The following ZNF385D variants were observed in gnomAD, a reference collection of about 807,000 sequenced individuals.
The protein encoded by ZNF385D is zinc finger protein 659.
Under a neutral mutation model 35.8 loss-of-function variants are expected in ZNF385D, and 15 were observed. That is an observed-to-expected ratio of 0.42 (90% CI 0.28 to 0.64). The LOEUF is 0.64. Among genes scored for constraint, ZNF385D ranks in the 30% least tolerant of loss-of-function variants. The probability of loss-of-function intolerance (pLI) is 0.23; values close to 1 mark genes in which losing one functional copy is unlikely to be tolerated. For missense variants in ZNF385D, 474 were observed against 494.6 expected, an observed-to-expected ratio of 0.96 and a Z score of 0.39; for synonymous variants, 212 against 186.8, an observed-to-expected ratio of 1.13 and a Z score of -1.10.
chr3:22,011,535 T>G (rs1031945975), intron 3 of ZNF385D, among the ~76,000 whole-genome samples: 1 of 152,062 alleles, frequency 6.6e-6, no homozygotes, highest in African/African-American at 2.4e-5. Context: ...AGTAATACAG[T>G]TTGATATTCC....
At position 21,456,985 on chromosome 3, in the gene ZNF385D, A is replaced by G. The variant is rs544650289; in HGVS notation, c.440-19782T>C. Among the ~76,000 whole-genome samples, 566 of 152,260 alleles carry G rather than the reference A, an allele frequency of 3.7e-3. 2 individuals are homozygous for G. The highest frequency in any genetic ancestry group is 6.1e-3 in the Non-Finnish European group (413 of 68,026). On this transcript the variant is annotated intron_variant, in intron 4 of 7. Transcript: ENST00000281523. ...ATCACATTCAAACATATTATGTAAT[A>G]TATAACAATATAAGGGTTAGTTAAC...
At chr3:21,809,070 T>A (rs2072784885) in intron 3 of ZNF385D, among the ~76,000 whole-genome samples, 1 of 152,150 alleles carries the variant, frequency 6.6e-6, no homozygotes, top group Non-Finnish European at 1.5e-5. Context: ...AAATTGCTCA[T>A]CTTATATAGA....
At chr3:21,989,753 C>A (rs568999322) in intron 3 of ZNF385D, among the ~76,000 whole-genome samples, 2 of 152,106 alleles carry the variant, frequency 1.3e-5, no homozygotes, top group South Asian at 2.1e-4. Context: ...CTCATCTAAG[C>A]GCATTAAAAT....
chr3:22,091,761 A>G (rs912530591), intron 3 of ZNF385D, among the ~76,000 whole-genome samples: 1 of 152,120 alleles, frequency 6.6e-6, no homozygotes, highest in Non-Finnish European at 1.5e-5. Flanking sequence ...TAAGAAGTCT[A>G]TTTTCTCTTT....
rs979493641 is a variant in ZNF385D, at chr3:21,747,327, A to AT, written c.22+3567dup. On this transcript the variant is annotated intron_variant, in intron 1 of 7. Transcript: ENST00000281523. ...AATTCTGTTTAAAGTGTATCATTTC[A>AT]TTTTTTTTAGGAGTATTCTCATGGG... is the stretch of plus-strand genomic sequence containing the variant. Among the ~76,000 whole-genome samples the AT allele has an allele frequency of 1.1e-4, 17 of 152,004 alleles. 1 individual carries two copies. In the South Asian group the frequency reaches 2.1e-3, roughly 19 times the overall value.
At chr3:22,372,726 C>T (rs1395561753) in exon 2 of ZNF385D, 1 of 152,956 alleles carries the variant, frequency 6.5e-6, no homozygotes, top group African/African-American at 2.4e-5. Flanking sequence ...AGTCAGCGCG[C>T]CTCTGCCTCC....
At chr3:22,143,455 A>G (rs1264480878) in intron 3 of ZNF385D, among the ~76,000 whole-genome samples, 1 of 151,684 alleles carries the variant, frequency 6.6e-6, no homozygotes, top group Non-Finnish European at 1.5e-5. Context: ...CCTTTTTCAC[A>G]CTCCCACACC....
At chr3:21,851,861 G>T (rs1696406671) in intron 3 of ZNF385D, among the ~76,000 whole-genome samples, 2 of 151,848 alleles carry the variant, frequency 1.3e-5, no homozygotes, top group African/African-American at 4.8e-5. Flanking sequence ...TCAAGCATAA[G>T]AAATTCACAC....
rs1411760179 is a variant in ZNF385D, at chr3:21,807,465, A to G, written c.326-142437T>C. Among the ~76,000 whole-genome samples the G allele has an allele frequency of 5.3e-5, 8 of 152,294 alleles. No individual in the cohort carries two copies. In the East Asian group the frequency reaches 1.5e-3, roughly 29 times the overall value. On this transcript the variant is annotated intron_variant, in intron 3 of 5. Coordinates refer to the ZNF385D transcript ENST00000494108. ...GATTTGACTCGCCAAGTTTAAAAGT[A>G]AAGAGAAAACCAACAACAGAAACTA... is the stretch of plus-strand genomic sequence containing the variant.
intron 3 of ZNF385D, among the ~76,000 whole-genome samples, chr3:21,918,086 G>A (rs1365071784): frequency 6.6e-6 from 1 of 152,188 alleles, no homozygotes; most frequent in African/African-American, 2.4e-5. Flanking sequence ...ATTCGAGAAT[G>A]CTTCTCAATG....
chr3:21,867,755 A>C (rs1383201964), intron 3 of ZNF385D, among the ~76,000 whole-genome samples: 1 of 134,896 alleles, frequency 7.4e-6, no homozygotes, highest in African/African-American at 2.7e-5. Flanking sequence ...AAAAAAAAAA[A>C]ACCTCAACCA....
chr3:21,954,333 C>T (rs1486372), intron 3 of ZNF385D, among the ~76,000 whole-genome samples: 48,026 of 151,644 alleles, frequency 0.32, 8,722 homozygotes, highest in African/African-American at 0.46. Context: ...CCCAATATGT[C>T]TTTTGTTTCA....
chr3:21,598,747 T>C (rs2064196446), intron 2 of ZNF385D, among the ~76,000 whole-genome samples: 1 of 152,344 alleles, frequency 6.6e-6, no homozygotes, highest in East Asian at 1.9e-4. Context: ...GGACTTGATA[T>C]GGGAATGCTA....
At position 21,646,397 on chromosome 3, in the gene ZNF385D, G is replaced by C. The variant is rs1002479460; in HGVS notation, c.165+18489C>G. Among the ~76,000 whole-genome samples the C allele has an allele frequency of 6.6e-6, 1 of 152,196 alleles. No individual in the cohort carries two copies. The highest frequency in any genetic ancestry group is 6.5e-5 in the Admixed American group (1 of 15,270). The stretch of plus-strand genomic sequence containing the variant: ...ACTTCACAGTGAGACGCTGAGAAAG[G>C]TGAAGTAAGTGGACTGAGAGCCACA... On this transcript the variant is annotated intron_variant, in intron 2 of 7. Coordinates refer to ENST00000281523, the MANE Select transcript of ZNF385D (RefSeq NM_024697.3). This position sits in a 1 kb window ranked among gnomAD's most constrained non-coding sequence, Gnocchi z 4.3.
chr3:21,534,903 G>A (rs2062000984), intron 3 of ZNF385D, among the ~76,000 whole-genome samples: 1 of 152,066 alleles, frequency 6.6e-6, no homozygotes, highest in African/African-American at 2.4e-5. Flanking sequence ...AGAAAGTCCA[G>A]GTGTTTAAAA....
intron 3 of ZNF385D, among the ~76,000 whole-genome samples, chr3:21,816,045 G>A (rs2073136250): frequency 6.6e-6 from 1 of 152,100 alleles, no homozygotes; most frequent in Non-Finnish European, 1.5e-5. Flanking sequence ...ATCAATAAAT[G>A]TAATCCAGCA....
At chr3:22,317,186 A>G (rs1703936336) in intron 2 of ZNF385D, among the ~76,000 whole-genome samples, 1 of 150,706 alleles carries the variant, frequency 6.6e-6, no homozygotes, top group African/African-American at 2.4e-5. Flanking sequence ...CTGGGGCAGA[A>G]GAATCACTTG....
intron 4 of ZNF385D, among the ~76,000 whole-genome samples, chr3:21,448,011 G>A (rs1702247479): frequency 6.6e-6 from 1 of 152,130 alleles, no homozygotes; most frequent in South Asian, 2.1e-4. Flanking sequence ...GTATGTGCAA[G>A]AGTTATAATA....
intron 1 of ZNF385D, among the ~76,000 whole-genome samples, chr3:21,710,790 T>C (rs983686432): frequency 2.0e-5 from 3 of 152,308 alleles, no homozygotes; most frequent in South Asian, 2.1e-4. Flanking sequence ...TAACCTCTCA[T>C]TGAATACTTC....
Sources: gnomAD v4.1 joint callset for allele counts (sites outside exome capture counted in the v4.1 genomes callset) on GRCh38, gnomAD v4.1.1 for gene constraint, Gnocchi (gnomAD v3.1) non-coding constraint, MANE v1.5 for transcripts, NCBI Gene and HGNC (gene_info 2026-07-23, HGNC 2026-07-21) for gene names.